Variants in TBC1D2B observed in about 807,000 individuals in gnomAD.
TBC1D2B encodes the protein TBC1 domain family, member 2B.
Under a neutral mutation model 100.8 loss-of-function variants are expected in TBC1D2B, and 64 were observed. The ratio of observed to expected loss-of-function variants is 0.64; its 90% CI spans 0.52 to 0.78. The LOEUF (loss-of-function observed/expected upper bound fraction) is 0.78, where lower values mean the gene tolerates loss of function less well. Among genes scored for constraint, TBC1D2B ranks in the 30% least tolerant of loss-of-function variants. The probability of loss-of-function intolerance (pLI) is 0.00; values close to 1 mark genes in which losing one functional copy is unlikely to be tolerated. For missense variants in TBC1D2B, 1,052 were observed against 1,218.4 expected (o/e 0.86, Z 2.03); for synonymous variants, 480 against 479.7 (o/e 1.00, Z -0.01).
At chr15:78,042,431 G>C (rs2073109779) in intron 3 of TBC1D2B, among the ~76,000 whole-genome samples, 1 of 151,088 alleles carries the variant, frequency 6.6e-6, no homozygotes, top group African/African-American at 2.4e-5. Flanking sequence ...TCTTGAGCAA[G>C]TCACTTTACC....
chr15:78,044,853 AG>A (rs1225469651), intron 3 of TBC1D2B, 46 bp downstream of exon 3: 3 of 1,490,602 alleles, frequency 2.0e-6, no homozygotes. Context: ...ATACATTATC[AG>A]AAACAACCCA....
intron 8 of TBC1D2B, 86 bp from the exon 9 acceptor site, chr15:78,013,403 CA>C (rs1416367079): frequency 1.1e-5 from 14 of 1,264,684 alleles, no homozygotes; most frequent in Non-Finnish European, 1.5e-5. Flanking sequence ...GTCTAGAAAC[CA>C]AATCAGGCAC....
At chr15:78,012,752 A>C in intron 9 of TBC1D2B, 71 bp downstream of exon 9, 1 of 1,369,224 alleles carries the variant, frequency 7.3e-7, no homozygotes. Context: ...GAAGGGAGGG[A>C]GCTGCCAGGC....
intron 6 of TBC1D2B, among the ~76,000 whole-genome samples, chr15:78,022,662 A>C (rs954225067): frequency 1.3e-5 from 2 of 151,216 alleles, no homozygotes; most frequent in African/African-American, 2.4e-5. Flanking sequence ...CAATCCTCCC[A>C]CTTCAGCCTC....
intron 8 of TBC1D2B, 124 bp from the exon 9 acceptor site, chr15:78,013,441 AT>A: frequency 1.1e-6 from 1 of 921,178 alleles, no homozygotes. Flanking sequence ...TATGAGAAGC[AT>A]TTCAAATCAG....
At chr15:78,054,516 C>T (rs1352299613) in intron 1 of TBC1D2B, among the ~76,000 whole-genome samples, 2 of 152,226 alleles carry the variant, frequency 1.3e-5, no homozygotes, top group Non-Finnish European at 2.9e-5. Context: ...ACTACAAATT[C>T]CATCTTCAAA....
intron 1 of TBC1D2B, among the ~76,000 whole-genome samples, chr15:78,056,610 G>C (rs1248831618): frequency 2.6e-5 from 4 of 151,112 alleles, no homozygotes; most frequent in Admixed American, 2.6e-4. Flanking sequence ...AGGGAGAGAA[G>C]AGTCACTAGG....
chr15:78,044,217 T>C (rs2073149100), intron 3 of TBC1D2B, among the ~76,000 whole-genome samples: 1 of 152,198 alleles, frequency 6.6e-6, no homozygotes, highest in South Asian at 2.1e-4. Context: ...CACAACTCTG[T>C]GAATATACCA....
intron 3 of TBC1D2B, among the ~76,000 whole-genome samples, chr15:78,035,489 C>T (rs1436833091): frequency 6.6e-6 from 1 of 152,222 alleles, no homozygotes; most frequent in Non-Finnish European, 1.5e-5. Flanking sequence ...CAGAGGTTTG[C>T]ACTTGCCAGG....
rs2073857233 is a variant in TBC1D2B, at chr15:78,077,706, C to G, written c.-54G>C. 3.0e-6 allele frequency: 3 copies of G among 985,154 alleles called. No homozygotes were observed. Among genetic ancestry groups the G allele is most frequent in the Non-Finnish European group, 3.6e-6 (3 of 830,068 alleles). The allele number at this position is 985,154 out of a possible 1,614,324, so 61.0% of individuals were successfully genotyped here. A position where few individuals can be genotyped will look rare whatever the true frequency, so the allele number is the denominator to read the frequency against. ...GCGCCCTGCGCCTCCGCGCCGCGGC[C>G]GCTGCGCCCCCTACCCCCTCCGCAC... On this transcript the variant is annotated 5_prime_UTR_variant, in exon 1 of 13. Transcript: ENST00000300584.
In TBC1D2B at chr15:78,044,040, A is replaced by AC. The variant is rs1482606755; in HGVS notation, c.683+859dup. 8.0e-5 allele frequency among the ~76,000 whole-genome samples: 12 copies of AC among 149,662 alleles called. No homozygotes were observed. In the East Asian group the frequency reaches 1.6e-3, roughly 20 times the overall value. ...ACCTTATCTTAAAAAAAAAAAAAAAACCCACCAAAAAACAAATTCATAGAG... is the reference window on the plus strand; with the variant it reads ...ACCTTATCTTAAAAAAAAAAAAAAAACCCCACCAAAAAACAAATTCATAGAG... On this transcript the variant is annotated intron_variant, in intron 3 of 12. Coordinates refer to ENST00000300584, the MANE Select transcript of TBC1D2B (RefSeq NM_144572.2).
At chr15:78,064,556 T>C (rs1434811789) in intron 1 of TBC1D2B, among the ~76,000 whole-genome samples, 1 of 152,202 alleles carries the variant, frequency 6.6e-6, no homozygotes, top group Non-Finnish European at 1.5e-5. Context: ...CTCTAAGAAA[T>C]GTCTAAAGTA....
chr15:78,013,948 C>G (rs2072302173), intron 8 of TBC1D2B, among the ~76,000 whole-genome samples: 1 of 152,096 alleles, frequency 6.6e-6, no homozygotes, highest in Non-Finnish European at 1.5e-5. Context: ...AAGAGTCAGT[C>G]AGAGAAATGT....
chr15:78,067,519 G>C (rs920673618), intron 1 of TBC1D2B, among the ~76,000 whole-genome samples: 1 of 152,210 alleles, frequency 6.6e-6, no homozygotes, highest in Non-Finnish European at 1.5e-5. Context: ...TTGCTGCCTA[G>C]AAATAATTCC....
At chr15:78,074,789 TTAC>T (rs1402729271) in intron 1 of TBC1D2B, among the ~76,000 whole-genome samples, 1 of 152,254 alleles carries the variant, frequency 6.6e-6, no homozygotes, top group Non-Finnish European at 1.5e-5. Flanking sequence ...AGTGTGTAAC[TTAC>T]TTCTTGTTCA....
intron 3 of TBC1D2B, among the ~76,000 whole-genome samples, chr15:78,040,860 A>AAG (rs2073072751): frequency 7.1e-6 from 1 of 141,764 alleles, no homozygotes; most frequent in Non-Finnish European, 1.5e-5. Flanking sequence ...GAAAGGAAGA[A>AAG]AGAAAGAAAG....
intron 1 of TBC1D2B, among the ~76,000 whole-genome samples, chr15:78,070,354 A>T (rs1426689740): frequency 6.6e-6 from 1 of 152,068 alleles, no homozygotes; most frequent in Non-Finnish European, 1.5e-5. Flanking sequence ...CATAAACCAG[A>T]TCAAGATCCT....
intron 2 of TBC1D2B, among the ~76,000 whole-genome samples, chr15:78,049,788 A>G (rs2073273383): frequency 6.6e-6 from 1 of 151,504 alleles, no homozygotes; most frequent in Non-Finnish European, 1.5e-5. Flanking sequence ...AACCCCACTC[A>G]GCATCTCCCT....
intron 2 of TBC1D2B, among the ~76,000 whole-genome samples, chr15:78,046,535 C>T (rs998331701): frequency 2.0e-4 from 30 of 151,778 alleles, no homozygotes; most frequent in Admixed American, 1.6e-3. Flanking sequence ...TCAGTGAACA[C>T]GACTCACTGC....
Sources: gnomAD v4.1 joint callset for allele counts (sites outside exome capture counted in the v4.1 genomes callset) on GRCh38, gnomAD v4.1.1 for gene constraint, MANE v1.5 for transcripts, NCBI Gene and HGNC (gene_info 2026-07-23, HGNC 2026-07-21) for gene names.